Variants in FOXP2 observed in about 807,000 individuals in gnomAD.
The protein encoded by FOXP2 is forkhead box P2.
FOXP2 carries 12 observed loss-of-function variants against 115.8 expected under a neutral mutation model. That is an observed-to-expected ratio of 0.10 (90% CI 0.07 to 0.17). The LOEUF (loss-of-function observed/expected upper bound fraction) is 0.17. FOXP2 is among the 10% of genes least tolerant of loss of function. The pLI is 1.00. For synonymous variants in FOXP2, 328 were observed against 297.7 expected (o/e 1.10, Z -1.05); for missense variants, 629 against 843.5 (o/e 0.75, Z 3.15).
intron 2 of FOXP2, among the ~76,000 whole-genome samples, chr7:114,357,782 T>C (rs1020368097): frequency 1.3e-5 from 2 of 152,126 alleles, no homozygotes; most frequent in Non-Finnish European, 2.9e-5. Flanking sequence ...TTTATTCCAC[T>C]GAATATTCTA....
intron 2 of FOXP2, among the ~76,000 whole-genome samples, chr7:114,527,081 CT>C (rs1002322196): frequency 2.0e-5 from 3 of 149,326 alleles, no homozygotes; most frequent in Non-Finnish European, 4.4e-5. Flanking sequence ...TTGTTACTGA[CT>C]TTTTTTATTT....
rs182564482 is a variant in FOXP2, at chr7:114,116,282, C to A, written c.-247+28444C>A. Among the ~76,000 whole-genome samples, 70 of 152,158 alleles carry A rather than the reference C, an allele frequency of 4.6e-4. No individual in the cohort carries two copies. In the East Asian group the frequency reaches 8.1e-3, roughly 18 times the overall value. On this transcript the variant is annotated intron_variant, in intron 1 of 19. Coordinates refer to the FOXP2 transcript ENST00000635638. ...AGGATTGGGCTAGGGAATCTGGGAA[C>A]CAGAGTGGCAGAAGAAGGGGCAGTT...
In FOXP2 at chr7:114,689,986, A is replaced by G. The variant is rs770355693; in HGVS notation, c.*60A>G. On this transcript the variant is annotated 3_prime_UTR_variant, in exon 17 of 17. Coordinates refer to ENST00000350908, the MANE Select transcript of FOXP2 (RefSeq NM_014491.4). ...TATCACTGACCTTCATAACCACTCC[A>G]CAACCATGAATATTTGACAAATTTT... is the stretch of plus-strand genomic sequence containing the variant. 1.8e-5 allele frequency: 29 copies of G among 1,596,816 alleles called. No individual in the cohort carries two copies. In the South Asian group the frequency reaches 2.9e-4, roughly 16 times the overall value.
intron 2 of FOXP2, among the ~76,000 whole-genome samples, chr7:114,291,963 A>G (rs183472092): frequency 3.3e-5 from 4 of 122,676 alleles, no homozygotes; most frequent in African/African-American, 1.6e-4. Flanking sequence ...TATATAGAAT[A>G]TATATTATAG....
chr7:114,248,184 G>A (rs992837371), intron 1 of FOXP2, among the ~76,000 whole-genome samples: 2 of 124,236 alleles, frequency 1.6e-5, no homozygotes, highest in African/African-American at 8.4e-5. Context: ...TAAAAACAGA[G>A]AGAGAGAGAG....
In FOXP2 at chr7:114,690,187, T is replaced by A. The variant is rs1453841217; in HGVS notation, c.*261T>A. On this transcript the variant is annotated 3_prime_UTR_variant, in exon 17 of 17. Coordinates refer to ENST00000350908, the MANE Select transcript of FOXP2 (RefSeq NM_014491.4). ...AACTGATTTTCTTGAAAAAAAAAAA[T>A]GAACTGTTCTTTCTATAATGGCTTT... The A allele has an allele frequency of 6.1e-6, 3 of 491,642 alleles. No individual in the cohort carries two copies. Among genetic ancestry groups the A allele is most frequent in the Non-Finnish European group, 7.5e-6 (2 of 268,220 alleles). The allele number at this position is 491,642 out of a possible 1,614,324, so 30.5% of individuals were successfully genotyped here.
intron 2 of FOXP2, among the ~76,000 whole-genome samples, chr7:114,402,311 A>G (rs192788727): frequency 6.6e-6 from 1 of 152,266 alleles, no homozygotes; most frequent in Admixed American, 6.5e-5. Context: ...GAAGATATAA[A>G]TTAAAATGAA....
intron 2 of FOXP2, among the ~76,000 whole-genome samples, chr7:114,295,623 G>T (rs1236279717): frequency 2.0e-5 from 3 of 152,100 alleles, no homozygotes; most frequent in Non-Finnish European, 2.9e-5. Flanking sequence ...ACTATTGTCT[G>T]CCAGAGAACA....
At chr7:114,490,186 T>C (rs149817245) in intron 2 of FOXP2, among the ~76,000 whole-genome samples, 28 of 152,234 alleles carry the variant, frequency 1.8e-4, no homozygotes. Context: ...TTTCAATAGA[T>C]AAATAGATAA....
At chr7:114,098,285 C>G (rs902510077) in intron 1 of FOXP2, among the ~76,000 whole-genome samples, 3 of 152,060 alleles carry the variant, frequency 2.0e-5, no homozygotes, top group African/African-American at 4.8e-5. Flanking sequence ...TGATGACTTT[C>G]AAAAACCATA....
At chr7:114,688,367 G>A (rs933612344) in intron 16 of FOXP2, among the ~76,000 whole-genome samples, 1 of 151,292 alleles carries the variant, frequency 6.6e-6, no homozygotes, top group Non-Finnish European at 1.5e-5. Context: ...ACAAAACCTA[G>A]AGTTTCCCAA....
At chr7:114,661,726 G>C in intron 13 of FOXP2, 1 of 329,912 alleles carries the variant, frequency 3.0e-6, no homozygotes, top group Non-Finnish European at 5.9e-6. Flanking sequence ...CTGAGTGCTT[G>C]ATCAGGGACA....
chr7:114,614,860 C>T (rs527942311), intron 3 of FOXP2, among the ~76,000 whole-genome samples: 6 of 152,168 alleles, frequency 3.9e-5, no homozygotes, highest in South Asian at 2.1e-4. Context: ...CCTCAGATTT[C>T]GGCAGCACCC....
chr7:114,624,261 C>T (rs1241372792), intron 3 of FOXP2, among the ~76,000 whole-genome samples: 1 of 151,830 alleles, frequency 6.6e-6, no homozygotes, highest in Admixed American at 6.6e-5. Flanking sequence ...GCTTTTATTA[C>T]ACAAGTAGTT....
chr7:114,410,606 C>A (rs1277775061), upstream of FOXP2, among the ~76,000 whole-genome samples: 2 of 152,034 alleles, frequency 1.3e-5, no homozygotes, highest in Non-Finnish European at 2.9e-5. Context: ...AAACTTATTT[C>A]TTCTATTGTC....
intron 2 of FOXP2, among the ~76,000 whole-genome samples, chr7:114,524,735 T>A (rs1584850300): frequency 6.6e-6 from 1 of 152,302 alleles, no homozygotes; most frequent in East Asian, 1.9e-4. Flanking sequence ...TTATAGTCAC[T>A]TTTTGTAATA....
At chr7:114,644,087 T>C (rs1805735317) in intron 7 of FOXP2, among the ~76,000 whole-genome samples, 1 of 152,186 alleles carries the variant, frequency 6.6e-6, no homozygotes, top group African/African-American at 2.4e-5. Context: ...TTGATGATTG[T>C]GTATTCCAAA....
chr7:114,689,006 T>G (rs543139993), intron 16 of FOXP2, among the ~76,000 whole-genome samples: 28 of 152,268 alleles, frequency 1.8e-4, no homozygotes, highest in African/African-American at 5.8e-4. Flanking sequence ...TATATAATAT[T>G]TTTCCACCAG....
At chr7:114,233,346 C>G (rs1188228357) in intron 1 of FOXP2, among the ~76,000 whole-genome samples, 1 of 152,012 alleles carries the variant, frequency 6.6e-6, no homozygotes. Context: ...ATGTCTTATA[C>G]AAAACAGAGT....
Sources: gnomAD v4.1 joint callset for allele counts (sites outside exome capture counted in the v4.1 genomes callset) on GRCh38, gnomAD v4.1.1 for gene constraint, MANE v1.5 for transcripts, NCBI Gene and HGNC (gene_info 2026-07-23, HGNC 2026-07-21) for gene names.